The following PSG5 variants were observed in gnomAD, a reference collection of about 807,000 sequenced individuals.
PSG5 encodes the protein pregnancy specific beta-1-glycoprotein 5, also known as pregnancy-specific beta-1-glycoprotein 5.
A neutral mutation model predicts 37.7 loss-of-function variants in PSG5; 53 were observed. The observed-to-expected ratio is 1.41, with a 90% confidence interval of 1.13 to 1.77. PSG5 has a LOEUF of 1.77. PSG5 is among the 40% of genes most tolerant of loss of function. The pLI, the probability that PSG5 is intolerant of heterozygous loss-of-function variation, is 0.00. For missense variants in PSG5, 547 were observed against 405.2 expected (o/e 1.35, Z -3.00); for synonymous variants, 221 against 155.4 (o/e 1.42, Z -3.14).
At chr19:43,172,546 A>C (rs1968927590) in intron 4 of PSG5, among the ~76,000 whole-genome samples, 1 of 151,856 alleles carries the variant, frequency 6.6e-6, no homozygotes, top group Non-Finnish European at 1.5e-5. Context: ...CACAATACAA[A>C]ATCAACATTC....
chr19:43,168,159 C>T lies in PSG5; in HGVS notation c.*85G>A. The T allele has an allele frequency of 2.3e-6, 1 of 434,542 alleles. No homozygotes were observed. Among genetic ancestry groups the T allele is most frequent in the Non-Finnish European group, 4.1e-6 (1 of 241,242 alleles). The allele number at this position is 434,542 out of a possible 1,614,324, so 26.9% of individuals were successfully genotyped here. A position where few individuals can be genotyped will look rare whatever the true frequency, so the allele number is the denominator to read the frequency against. On this transcript the variant is annotated 3_prime_UTR_variant, in exon 6 of 6. Transcript: ENST00000342951. The stretch of plus-strand genomic sequence containing the variant: ...TCCTTGAAGAAAAAGCAATTTTGGA[C>T]TGTAGGTGATTGTAAGTAGTTTGAG...
chr19:43,174,941 T>G (rs1968973744), intron 4 of PSG5: 1 of 1,314,434 alleles, frequency 7.6e-7, no homozygotes, highest in African/African-American at 1.5e-5. Flanking sequence ...TTCTCATCCC[T>G]CTGTGAAGCC....
intron 2 of PSG5, chr19:43,183,461 T>C (rs115777064): frequency 0.14 from 72,676 of 527,126 alleles, 6,748 homozygotes; most frequent in East Asian, 0.37. Flanking sequence ...GGGCCTGTGC[T>C]GGAGCAGGGT....
At chr19:43,168,535 A>G (rs549095717) in intron 5 of PSG5, among the ~76,000 whole-genome samples, 1 of 151,096 alleles carries the variant, frequency 6.6e-6, no homozygotes, top group Admixed American at 6.6e-5. Context: ...CGCCCGGCAA[A>G]TTTTGTTTTT....
At chr19:43,169,679 A>G (rs1458549223) in intron 5 of PSG5, among the ~76,000 whole-genome samples, 1 of 151,712 alleles carries the variant, frequency 6.6e-6, no homozygotes, top group African/African-American at 2.4e-5. Flanking sequence ...TATGCAAGGA[A>G]GGTTTCAAAG....
intron 2 of PSG5, among the ~76,000 whole-genome samples, chr19:43,177,709 G>C (rs1411942410): frequency 1.3e-5 from 2 of 151,494 alleles, no homozygotes; most frequent in African/African-American, 2.4e-5. Flanking sequence ...TCATTAATAA[G>C]AGCCTGTCAG....
At chr19:43,172,765 A>G (rs1968931411) in intron 4 of PSG5, among the ~76,000 whole-genome samples, 1 of 151,718 alleles carries the variant, frequency 6.6e-6, no homozygotes, top group African/African-American at 2.4e-5. Context: ...TTTTGTGTTC[A>G]TGAATTGGAA....
rs1462467327 is a variant in PSG5 at position 43,173,129 on chromosome 19, C to T, written c.964+2086G>A. Among the ~76,000 whole-genome samples the T allele has an allele frequency of 1.3e-5, 2 of 151,576 alleles. 1 individual carries two copies. Among genetic ancestry groups the T allele is most frequent in the Non-Finnish European group, 2.9e-5 (2 of 67,890 alleles). The stretch of plus-strand genomic sequence containing the variant: ...CCAAGATCATTCAATGGGGAACGGA[C>T]AGTGTTCTCACCAAATGATATTGGG... On this transcript the variant is annotated intron_variant, in intron 4 of 5. Transcript: ENST00000342951.
chr19:43,177,542 G>C (rs1316850187), intron 2 of PSG5, among the ~76,000 whole-genome samples: 1 of 150,638 alleles, frequency 6.6e-6, no homozygotes, highest in Non-Finnish European at 1.5e-5. Flanking sequence ...TTCTACCATG[G>C]TGATTAGTTT....
In PSG5 at chr19:43,176,159, A is replaced by G; in HGVS notation, c.431-11T>C. The G allele has an allele frequency of 3.7e-6, 6 of 1,610,574 alleles. No homozygotes were observed. The highest frequency in any genetic ancestry group is 5.1e-6 in the Non-Finnish European group (6 of 1,178,564). On this transcript the variant is annotated splice_polypyrimidine_tract_variant and intron_variant, in intron 2 of 5. Coordinates refer to ENST00000342951, the MANE Select transcript of PSG5 (RefSeq NM_002781.4). ...GCTTGGGCAGCTTCACTGTGTGGAT[A>G]ACAGAGAGAAGATTGTCCTGTGTGG...
chr19:43,177,220 A>G (rs1213142367), intron 2 of PSG5, among the ~76,000 whole-genome samples: 1 of 151,582 alleles, frequency 6.6e-6, no homozygotes, highest in Non-Finnish European at 1.5e-5. Context: ...GAAGTTGTTC[A>G]TGGGTGTGCA....
chr19:43,182,045 A>C (rs910437863), intron 2 of PSG5, among the ~76,000 whole-genome samples: 2 of 151,812 alleles, frequency 1.3e-5, no homozygotes, highest in East Asian at 1.9e-4. Context: ...GTCTGACTCC[A>C]TCTGGCATCT....
At position 43,179,170 on chromosome 19, in the gene PSG5, C is replaced by G. The variant is rs980051862; in HGVS notation, c.431-3022G>C. The G allele has an allele frequency of 5.9e-5, 94 of 1,582,070 alleles. 3 individuals are homozygous for G. Among genetic ancestry groups the G allele is most frequent in the Non-Finnish European group, 7.5e-5 (87 of 1,153,362 alleles). Reference sequence around the variant, plus strand: ...TTGGGAGTTTCCACTTTGCAGAAAACAGAGAGAAGATTGCCCTGTGTGGCA... The same window carrying G: ...TTGGGAGTTTCCACTTTGCAGAAAAGAGAGAGAAGATTGCCCTGTGTGGCA... On this transcript the variant is annotated intron_variant, in intron 2 of 5. Transcript: ENST00000342951.
intron 2 of PSG5, among the ~76,000 whole-genome samples, chr19:43,180,131 C>T (rs562067163): frequency 1.3e-5 from 2 of 151,580 alleles, no homozygotes; most frequent in Non-Finnish European, 2.9e-5. Flanking sequence ...AGTTTGACTA[C>T]TCTATGTACC....
Position 43,186,368 on chromosome 19 carries a change from A to T in PSG5, c.38T>A (p.Ile13Asn), listed in dbSNP as rs369515902. 2.5e-6 allele frequency: 4 copies of T among 1,612,010 alleles called. No homozygotes were observed. In the African/African-American group the frequency reaches 4.0e-5, roughly 16 times the overall value. The change falls in exon 1 of 6, where the codon ATC (isoleucine) becomes AAC (asparagine). Residue 13 changes from isoleucine to asparagine, a missense_variant. By Grantham distance (149) the Ile-to-Asn change is moderately radical. Coordinates refer to ENST00000342951, the MANE Select transcript of PSG5 (RefSeq NM_002781.4). ...PLSAPPCTQH[I>N]TWKGLLLTAS... Reference sequence around the variant, plus strand: ...TGTGAGCAGGAGCCCCTTCCAGGTGATGTGCTGTGTGCAGGGAGGGGCTGA... The same window carrying T: ...TGTGAGCAGGAGCCCCTTCCAGGTGTTGTGCTGTGTGCAGGGAGGGGCTGA...
chr19:43,171,307 A>C (rs1968901070), intron 4 of PSG5: 2 of 151,724 alleles, frequency 1.3e-5, no homozygotes, highest in Admixed American at 6.6e-5. Flanking sequence ...TAAACATTTA[A>C]AAGAATGGTA....
chr19:43,174,882 G>A, intron 4 of PSG5: 2 of 1,185,680 alleles, frequency 1.7e-6, no homozygotes, highest in Non-Finnish European at 2.3e-6. Context: ...CATGGCAGAA[G>A]GGGATGTGTT....
chr19:43,179,000 G>A (rs1969070555), intron 2 of PSG5: 1 of 1,612,740 alleles, frequency 6.2e-7, no homozygotes, highest in Non-Finnish European at 8.5e-7. Flanking sequence ...TGTTGGTTTT[G>A]GACAGCTGCA....
At chr19:43,177,295 C>T (rs1969031869) in intron 2 of PSG5, among the ~76,000 whole-genome samples, 1 of 150,090 alleles carries the variant, frequency 6.7e-6, no homozygotes, top group Admixed American at 6.7e-5. Context: ...CTATAGTTCA[C>T]ACAGATTGAG....
Sources: gnomAD v4.1 joint callset for allele counts (sites outside exome capture counted in the v4.1 genomes callset) on GRCh38, gnomAD v4.1.1 for gene constraint, MANE v1.5 for transcripts, NCBI Gene and HGNC (gene_info 2026-07-23, HGNC 2026-07-21) for gene names.